The following SRL variants were observed in gnomAD, a reference collection of about 807,000 sequenced individuals.
SRL encodes sarcalumenin.
Under a neutral mutation model 39.5 loss-of-function variants are expected in SRL, and 23 were observed. The ratio of observed to expected loss-of-function variants is 0.58; its 90% CI spans 0.42 to 0.82. SRL has a LOEUF of 0.82. Among genes scored for constraint, SRL ranks in the 40% least tolerant of loss-of-function variants. The probability of loss-of-function intolerance (pLI) is 0.00; values close to 1 mark genes in which losing one functional copy is unlikely to be tolerated. For synonymous variants in SRL, 272 were observed against 237.4 expected, an observed-to-expected ratio of 1.15 and a Z score of -1.34; for missense variants, 592 against 607.8, an observed-to-expected ratio of 0.97 and a Z score of 0.27.
At chr16:4,211,764 T>C (rs2052396601) in intron 1 of SRL, among the ~76,000 whole-genome samples, 1 of 151,734 alleles carries the variant, frequency 6.6e-6, no homozygotes, top group African/African-American at 2.4e-5. Context: ...ATGATGGTGA[T>C]GATGATGGTG....
chr16:4,207,101 C>T, intron 1 of SRL: 1 of 456,134 alleles, frequency 2.2e-6, no homozygotes, highest in Non-Finnish European at 4.4e-6. Context: ...CCCCAGCCTC[C>T]TGGGGCTCCG....
In SRL at chr16:4,195,806, G is replaced by A. The variant is rs2052132668; in HGVS notation, c.377-20C>T. On this transcript the variant is annotated intron_variant, in intron 4 of 5. Coordinates refer to ENST00000399609, the MANE Select transcript of SRL (RefSeq NM_001098814.2). ...CAGCGCCTGGGCACACGGGGTGAGA[G>A]GTGAAGGAATACATGATCTCTGTGA... 1.3e-6 allele frequency: 2 copies of A among 1,594,846 alleles called. No homozygotes were observed. Among genetic ancestry groups the A allele is most frequent in the African/African-American group, 1.3e-5 (1 of 74,534 alleles).
Position 4,195,687 on chromosome 16 carries a change from A to G in SRL, c.476T>C (p.Phe159Ser). 1 of 1,614,090 alleles carries G rather than the reference A, an allele frequency of 6.2e-7. No homozygotes were observed. Among genetic ancestry groups the G allele is most frequent in the African/African-American group, 1.3e-5 (1 of 75,026 alleles). The change falls in exon 5 of 6, where the codon TTC becomes TCC. Residue 159 changes from phenylalanine (F) to serine (S), a missense_variant. Physicochemically the swap from Phe to Ser is radical, Grantham distance 155. Transcript: ENST00000399609. ...IVMAADSARS[F>S]SPLEKFGQNF... The stretch of plus-strand genomic sequence containing the variant: ...CTGGCCAAACTTCTCAAGGGGTGAG[A>G]AGGAACGGGCGCTGTCAGCAGCCAT...
At chr16:4,239,416 C>A (rs994002767) in intron 1 of SRL, among the ~76,000 whole-genome samples, 1 of 152,186 alleles carries the variant, frequency 6.6e-6, no homozygotes, top group Non-Finnish European at 1.5e-5. Context: ...CCCCAATCTC[C>A]GTATCAAGCA....
chr16:4,204,642 G>C lies in SRL; in HGVS notation c.62-8C>G. On this transcript the variant is annotated splice_region_variant and splice_polypyrimidine_tract_variant and intron_variant, in intron 1 of 5. Coordinates refer to ENST00000399609, the MANE Select transcript of SRL (RefSeq NM_001098814.2). ...TTGCATCCTCCGTCTCTTCTGTGGA[G>C]AGAAGCAGACAGCCAAGTGAGAGCA... 1 of 1,613,424 alleles carries C rather than the reference G, an allele frequency of 6.2e-7. No individual in the cohort carries two copies. Among genetic ancestry groups the C allele is most frequent in the East Asian group, 2.2e-5 (1 of 44,878 alleles).
At chr16:4,223,233 A>G (rs1170860052) in intron 1 of SRL, among the ~76,000 whole-genome samples, 2 of 50,384 alleles carry the variant, frequency 4.0e-5, no homozygotes, top group African/African-American at 3.9e-4. Flanking sequence ...CTCTGTCTCA[A>G]AAAAAAAAAA....
intron 1 of SRL, 57 bp downstream of exon 1, chr16:4,241,950 C>A: frequency 1.9e-6 from 3 of 1,601,448 alleles, no homozygotes; most frequent in Non-Finnish European, 2.6e-6. Flanking sequence ...AGACAGAAAA[C>A]CTTGGAGGAA....
chr16:4,227,551 G>A (rs920592494), intron 1 of SRL, among the ~76,000 whole-genome samples: 45 of 151,890 alleles, frequency 3.0e-4, no homozygotes, highest in African/African-American at 1.0e-3. Context: ...TGATGGATGG[G>A]TGGATGGATG....
intron 1 of SRL, among the ~76,000 whole-genome samples, chr16:4,220,710 G>A (rs976966132): frequency 2.6e-5 from 4 of 152,164 alleles, no homozygotes; most frequent in African/African-American, 9.7e-5. Context: ...TGGGCTCTCT[G>A]CATCTGTCTC....
intron 1 of SRL, among the ~76,000 whole-genome samples, chr16:4,241,470 G>A (rs980292261): frequency 3.9e-5 from 6 of 152,066 alleles, no homozygotes; most frequent in Non-Finnish European, 5.9e-5. Context: ...CAGCCCAACC[G>A]CCAACTCTAT....
intron 1 of SRL, among the ~76,000 whole-genome samples, chr16:4,226,655 G>A (rs563402169): frequency 6.6e-6 from 1 of 151,264 alleles, no homozygotes; most frequent in Admixed American, 6.6e-5. Flanking sequence ...GGAAGGAAGG[G>A]TGAATGGAAG....
At chr16:4,206,896 C>T (rs560825160) in intron 1 of SRL, 7 of 456,610 alleles carry the variant, frequency 1.5e-5, no homozygotes, top group South Asian at 1.1e-4. Context: ...GGAAGCTCTG[C>T]ACCTTCCTGG....
At chr16:4,201,661 G>C (rs1258609758) in intron 3 of SRL, among the ~76,000 whole-genome samples, 1 of 124,160 alleles carries the variant, frequency 8.1e-6, no homozygotes, top group Non-Finnish European at 1.7e-5. Flanking sequence ...TTGTTTGTTT[G>C]TTTGTTTGTT....
At chr16:4,214,158 G>A (rs954522374) in intron 1 of SRL, among the ~76,000 whole-genome samples, 6 of 152,218 alleles carry the variant, frequency 3.9e-5, no homozygotes, top group African/African-American at 1.4e-4. Context: ...GAGATGGAGA[G>A]AATAGAGGTC....
intron 1 of SRL, among the ~76,000 whole-genome samples, chr16:4,233,995 C>T (rs1032004974): frequency 1.3e-5 from 2 of 151,998 alleles, no homozygotes; most frequent in Admixed American, 6.6e-5. Flanking sequence ...ATTCTGTGTT[C>T]TCTCTCTCTT....
chr16:4,212,829 C>A (rs2052410779), intron 1 of SRL, among the ~76,000 whole-genome samples: 1 of 152,118 alleles, frequency 6.6e-6, no homozygotes, highest in Non-Finnish European at 1.5e-5. Context: ...TCCAGCAGGT[C>A]CCACCAGCCC....
chr16:4,221,067 G>C (rs538210212), intron 1 of SRL, among the ~76,000 whole-genome samples: 1 of 144,818 alleles, frequency 6.9e-6, no homozygotes. Context: ...TTTTTTTTTC[G>C]ATACGGAGTC....
chr16:4,231,390 T>G (rs11864324), intron 1 of SRL, among the ~76,000 whole-genome samples: 30,334 of 151,998 alleles, frequency 0.2, 3,269 homozygotes, highest in Middle Eastern at 0.26. Flanking sequence ...GAAGATCAAA[T>G]AGGAACCAAC....
In SRL at chr16:4,201,738, C is replaced by G. The variant is rs540467616; in HGVS notation, c.259+1428G>C. Among the ~76,000 whole-genome samples, 9 of 138,050 alleles carry G rather than the reference C, an allele frequency of 6.5e-5. 1 individual carries two copies. In the South Asian group the frequency reaches 8.6e-4, roughly 13 times the overall value. 90.6% of individuals were successfully genotyped at this position (138,050 alleles called of 152,430 possible). A position where few individuals can be genotyped will look rare whatever the true frequency, so the allele number is the denominator to read the frequency against. On this transcript the variant is annotated intron_variant, in intron 3 of 5. Coordinates refer to ENST00000399609, the MANE Select transcript of SRL (RefSeq NM_001098814.2). ...TGGCACAATCTCAGCTCACTGCAAC[C>G]TCTGCCTCCCGGGTTCAAGCAATTC...
Sources: allele counts gnomAD v4.1 joint callset (sites outside exome capture counted in the v4.1 genomes callset), GRCh38; gene constraint gnomAD v4.1.1; transcripts MANE v1.5; gene names NCBI Gene and HGNC (gene_info 2026-07-23, HGNC 2026-07-21).